ME1: variants seen among roughly 807,000 people sequenced by gnomAD.
ME1 encodes malic enzyme 1.
ME1 carries 74 observed loss-of-function variants against 66.4 expected under a neutral mutation model. The ratio of observed to expected loss-of-function variants is 1.11; its 90% CI spans 0.92 to 1.35. The LOEUF (loss-of-function observed/expected upper bound fraction) is 1.35. Ranked by LOEUF, ME1 falls within the 40% of genes most tolerant of loss-of-function variation. ME1 has a pLI of 0.00. For synonymous variants in ME1, 251 were observed against 235.6 expected, an observed-to-expected ratio of 1.07 and a Z score of -0.60; for missense variants, 750 against 694.1, an observed-to-expected ratio of 1.08 and a Z score of -0.90.
chr6:83,419,792 T>C (rs937586835), intron 1 of ME1, among the ~76,000 whole-genome samples: 2 of 152,234 alleles, frequency 1.3e-5, no homozygotes, highest in Non-Finnish European at 2.9e-5. Flanking sequence ...TGGTAGAGAC[T>C]GCTAATTGCC....
At chr6:83,247,456 CA>C in intron 7 of ME1, among the ~76,000 whole-genome samples, 1 of 151,622 alleles carries the variant, frequency 6.6e-6, no homozygotes, top group Admixed American at 6.6e-5. Context: ...AGATAACTAA[CA>C]GTAGAATTCT....
At chr6:83,340,719 GCT>G (rs138425253) in intron 5 of ME1, among the ~76,000 whole-genome samples, 3,727 of 151,062 alleles carry the variant, frequency 0.025, 152 homozygotes, top group East Asian at 0.15. Context: ...TCAAGGTTAT[GCT>G]CTTTTTAAAA....
intron 5 of ME1, among the ~76,000 whole-genome samples, chr6:83,327,177 G>C (rs187055139): frequency 6.6e-6 from 1 of 152,240 alleles, no homozygotes; most frequent in African/African-American, 2.4e-5. Context: ...TGTCACCTCA[G>C]GACCCTGTAA....
chr6:83,361,145 T>C (rs1431901729), intron 3 of ME1, among the ~76,000 whole-genome samples: 2 of 152,222 alleles, frequency 1.3e-5, no homozygotes, highest in Non-Finnish European at 2.9e-5. Context: ...GAGTAAGAAG[T>C]AGCAAACACA....
At chr6:83,414,125 A>AC (rs112775454) in intron 1 of ME1, among the ~76,000 whole-genome samples, 40,525 of 146,830 alleles carry the variant, frequency 0.28, 6,090 homozygotes, top group Middle Eastern at 0.39. Flanking sequence ...AAAAAAAAAA[A>AC]AAAAAACTAA....
chr6:83,260,930 A>G (rs1326556370), intron 6 of ME1, among the ~76,000 whole-genome samples: 1 of 152,120 alleles, frequency 6.6e-6, no homozygotes, highest in Non-Finnish European at 1.5e-5. Context: ...AAATGTGTGC[A>G]TGCATCTTTG....
At chr6:83,373,955 C>A (rs944105453) in intron 3 of ME1, among the ~76,000 whole-genome samples, 2 of 152,194 alleles carry the variant, frequency 1.3e-5, no homozygotes, top group East Asian at 3.8e-4. Flanking sequence ...GTTTTTATGG[C>A]TGCATACTAT....
At chr6:83,284,466 C>T (rs972005668) in intron 6 of ME1, among the ~76,000 whole-genome samples, 1 of 152,062 alleles carries the variant, frequency 6.6e-6, no homozygotes, top group Non-Finnish European at 1.5e-5. Context: ...AGGCCAATGC[C>T]ACTGATAAGC....
chr6:83,330,917 T>A (rs1325334636), intron 5 of ME1, among the ~76,000 whole-genome samples: 2 of 152,102 alleles, frequency 1.3e-5, no homozygotes, highest in Non-Finnish European at 1.5e-5. Context: ...TTTTCTTCTC[T>A]CCCCTGGCTT....
chr6:83,374,762 T>C (rs1011377248), intron 3 of ME1, among the ~76,000 whole-genome samples: 3 of 152,228 alleles, frequency 2.0e-5, no homozygotes, highest in African/African-American at 7.2e-5. Flanking sequence ...CATCTTGAGA[T>C]AATTTTTGTG....
intron 6 of ME1, among the ~76,000 whole-genome samples, chr6:83,297,577 ATCT>A (rs1767621988): frequency 3.5e-5 from 5 of 143,974 alleles, no homozygotes; most frequent in Admixed American, 7.1e-5. Flanking sequence ...CGACCATCTA[ATCT>A]TCTTTTTTTT....
At chr6:83,291,135 G>C (rs188356530) in intron 6 of ME1, among the ~76,000 whole-genome samples, 68 of 152,224 alleles carry the variant, frequency 4.5e-4, no homozygotes, top group African/African-American at 1.5e-3. Context: ...GGTTAATATT[G>C]TTATGTGTGA....
chr6:83,396,710 C>G (rs1263807606), intron 3 of ME1, among the ~76,000 whole-genome samples: 1 of 152,108 alleles, frequency 6.6e-6, no homozygotes, highest in African/African-American at 2.4e-5. Context: ...ATCATACTAC[C>G]TGATTTCAAA....
intron 13 of ME1, among the ~76,000 whole-genome samples, chr6:83,215,033 ATAGTT>A (rs1186206649): frequency 6.6e-6 from 1 of 152,230 alleles, no homozygotes; most frequent in Admixed American, 6.5e-5. Context: ...CAGTATATTA[ATAGTT>A]TAAACTACTT....
chr6:83,325,940 G>T (rs1272475215), intron 5 of ME1, among the ~76,000 whole-genome samples: 2 of 119,612 alleles, frequency 1.7e-5, no homozygotes, highest in Non-Finnish European at 3.6e-5. Flanking sequence ...ACAAAAAAAC[G>T]AAGCAAACAA....
chr6:83,299,455 C>A (rs1014097831), intron 6 of ME1, among the ~76,000 whole-genome samples: 7 of 152,060 alleles, frequency 4.6e-5, no homozygotes, highest in African/African-American at 1.4e-4. Flanking sequence ...GATTTTGTAT[C>A]CTAAGACTTT....
chr6:83,224,884 T>G (rs1453100008), intron 11 of ME1, among the ~76,000 whole-genome samples: 1 of 151,786 alleles, frequency 6.6e-6, no homozygotes, highest in Non-Finnish European at 1.5e-5. Context: ...TTTTGAGGAA[T>G]CTCATGTACT....
intron 3 of ME1, among the ~76,000 whole-genome samples, chr6:83,354,691 ACTGT>A (rs1482671837): frequency 6.6e-6 from 1 of 152,226 alleles, no homozygotes; most frequent in Non-Finnish European, 1.5e-5. Flanking sequence ...TCAAATGTTA[ACTGT>A]CTGTGTCTTC....
At chr6:83,410,655 G>C (rs916451976) in intron 1 of ME1, among the ~76,000 whole-genome samples, 2 of 152,148 alleles carry the variant, frequency 1.3e-5, no homozygotes, top group African/African-American at 4.8e-5. Flanking sequence ...ATGTGAAGAA[G>C]CAGTAAACTT....
Sources: gnomAD v4.1 joint callset for allele counts (sites outside exome capture counted in the v4.1 genomes callset) on GRCh38, gnomAD v4.1.1 for gene constraint, MANE v1.5 for transcripts, NCBI Gene and HGNC (gene_info 2026-07-23, HGNC 2026-07-21) for gene names.